Variants in STIL observed in about 807,000 individuals in gnomAD.
STIL encodes SCL-interrupting locus protein.
A neutral mutation model predicts 110.1 loss-of-function variants in STIL; 55 were observed. The ratio of observed to expected loss-of-function variants is 0.50; its 90% CI spans 0.40 to 0.63. The LOEUF (loss-of-function observed/expected upper bound fraction) is 0.63, where lower values mean the gene tolerates loss of function less well. STIL is among the 20% of genes least tolerant of loss of function. The probability of loss-of-function intolerance (pLI) is 0.00; values close to 1 mark genes in which losing one functional copy is unlikely to be tolerated. For synonymous variants in STIL, 481 were observed against 530.0 expected (o/e 0.91, Z 1.27); for missense variants, 1,358 against 1,530.0 (o/e 0.89, Z 1.87).
At chr1:47,307,700 A>C (rs1284921593) in intron 2 of STIL, among the ~76,000 whole-genome samples, 1 of 152,270 alleles carries the variant, frequency 6.6e-6, no homozygotes, top group Non-Finnish European at 1.5e-5. Flanking sequence ...TCAGGGAATA[A>C]GAGAGATAAC....
intron 2 of STIL, among the ~76,000 whole-genome samples, chr1:47,309,715 T>C (rs776997892): frequency 2.6e-5 from 4 of 152,152 alleles, no homozygotes; most frequent in Non-Finnish European, 4.4e-5. Flanking sequence ...CCAGTCCCCA[T>C]AGTAACAGAC....
chr1:47,306,458 T>C (rs1327203846), intron 2 of STIL, among the ~76,000 whole-genome samples: 4 of 152,110 alleles, frequency 2.6e-5, no homozygotes, highest in Admixed American at 2.6e-4. Context: ...CCTGCTATGT[T>C]TCCCAGGCTG....
chr1:47,289,061 C>CAAAAAAAAAAAAAAAAAAAAAAAAA (rs371944423), intron 9 of STIL, among the ~76,000 whole-genome samples: 1 of 83,476 alleles, frequency 1.2e-5, no homozygotes, highest in Non-Finnish European at 2.2e-5. Flanking sequence ...GATTCCATCT[C>CAAAAAAAAAAAAAAAAAAAAAAAAA]AAAAAAAAAA....
intron 12 of STIL, among the ~76,000 whole-genome samples, chr1:47,275,562 C>A (rs559285174): frequency 1.3e-5 from 2 of 151,554 alleles, no homozygotes; most frequent in African/African-American, 4.9e-5. Flanking sequence ...GAGCTGAGAT[C>A]GCGCCACTGC....
At position 47,302,288 on chromosome 1, in the gene STIL, G is replaced by T; in HGVS notation, c.211C>A (p.Gln71Lys). The stretch of plus-strand genomic sequence containing the variant: ...AAGCATGACGAATTTTTTTTATTCT[G>T]CTTAGCATGACGATAAGCAAGTCGG... ...TIRLAYRHAKQNKKNSSCFLL... is the reference protein window; with the variant it reads ...TIRLAYRHAKKNKKNSSCFLL... The change falls in exon 4 of 17, where the codon CAG (glutamine) becomes AAG (lysine). Residue 71 changes from glutamine (Q) to lysine (K), a missense_variant. Transcript: ENST00000371877. The T allele has an allele frequency of 6.2e-7, 1 of 1,613,904 alleles. No homozygotes were observed. Among genetic ancestry groups the T allele is most frequent in the Admixed American group, 1.7e-5 (1 of 59,990 alleles).
At chr1:47,266,571 C>T (rs1171458351) in intron 14 of STIL, among the ~76,000 whole-genome samples, 1 of 152,202 alleles carries the variant, frequency 6.6e-6, no homozygotes, top group Non-Finnish European at 1.5e-5. Flanking sequence ...ACTATTTTGC[C>T]TAGCCTGGTC....
intron 6 of STIL, among the ~76,000 whole-genome samples, chr1:47,296,121 C>A (rs1020657989): frequency 6.6e-6 from 1 of 152,146 alleles, no homozygotes; most frequent in African/African-American, 2.4e-5. Flanking sequence ...TGCTCTATAA[C>A]TTTACTTACA....
In STIL at chr1:47,264,930, T is replaced by TAAA. The variant is rs35230201; in HGVS notation, c.2616-1817_2616-1815dup. 4.8e-3 allele frequency among the ~76,000 whole-genome samples: 621 copies of TAAA among 128,816 alleles called. 12 individuals carry two copies. Among genetic ancestry groups the TAAA allele is most frequent in the African/African-American group, 0.015 (496 of 33,842 alleles). The allele number at this position is 128,816 out of a possible 152,430, so 84.5% of individuals were successfully genotyped here. The stretch of plus-strand genomic sequence containing the variant: ...ATTAACTCAGATCTGTTTCTAAAGT[T>TAAA]AAAAAAAAAAAAAAAAAGCCAAAAC... On this transcript the variant is annotated intron_variant, in intron 14 of 16. Transcript: ENST00000371877.
chr1:47,280,623 A>G lies in STIL; in HGVS notation c.1835T>C (p.Ile612Thr). 5.6e-6 allele frequency: 9 copies of G among 1,614,252 alleles called. No homozygotes were observed. Among genetic ancestry groups the G allele is most frequent in the Non-Finnish European group, 7.6e-6 (9 of 1,180,046 alleles). ...VCRCCQHHSHIQYSPLNSWQG... is the reference protein window; with the variant it reads ...VCRCCQHHSHTQYSPLNSWQG... ...CCAAGAATTTAGCGGACTATATTGAATATGACTATGATGCTGACAACACCT... is the reference window on the plus strand; with the variant it reads ...CCAAGAATTTAGCGGACTATATTGAGTATGACTATGATGCTGACAACACCT... The change falls in exon 12 of 17, where the codon ATT (isoleucine) becomes ACT (threonine). Residue 612 changes from isoleucine (I) to threonine (T), a missense_variant. Transcript: ENST00000371877.
upstream of STIL, among the ~76,000 whole-genome samples, chr1:47,314,399 A>T (rs925061327): frequency 5.3e-5 from 8 of 152,206 alleles, no homozygotes; most frequent in Non-Finnish European, 1.2e-4. Context: ...TCATTTCGTC[A>T]ACGGTTAAGT....
At chr1:47,308,863 G>A (rs957942340) in intron 2 of STIL, among the ~76,000 whole-genome samples, 2 of 152,100 alleles carry the variant, frequency 1.3e-5, no homozygotes, top group African/African-American at 2.4e-5. Flanking sequence ...AGACCAGCCT[G>A]GCCAACATGG....
intron 12 of STIL, among the ~76,000 whole-genome samples, chr1:47,272,580 G>A (rs2148881752): frequency 6.6e-6 from 1 of 151,836 alleles, no homozygotes; most frequent in South Asian, 2.1e-4. Flanking sequence ...TCCTGGGGTG[G>A]CTGGGATGAC....
Position 47,301,650 on chromosome 1 carries a change from AG to A in STIL, c.363del (p.Leu123Ter). 6.2e-7 allele frequency: 1 copy of A among 1,614,112 alleles called. No individual in the cohort carries two copies. On this transcript the variant is annotated frameshift_variant, in exon 5 of 17. Coordinates refer to ENST00000371877, the MANE Select transcript of STIL (RefSeq NM_001048166.1). LOFTEE classifies it high-confidence loss of function. ...EITPTASLPG[D>X]FLIPCKVHTQ... ...GTATGAACTTTGCATGGAATCAAAA[AG>A]TCCCCAGGAAGAGAAGCAGTAGGGG...
intron 6 of STIL, chr1:47,299,639 C>T (rs559183639): frequency 1.6e-4 from 63 of 384,802 alleles, no homozygotes; most frequent in African/African-American, 1.1e-3. Flanking sequence ...GTGATCTGCC[C>T]GCCTAGGCCT....
Position 47,275,481 on chromosome 1 carries a change from G to A in STIL, c.2218-3240C>T, listed in dbSNP as rs192815445. On this transcript the variant is annotated intron_variant, in intron 12 of 16. Transcript: ENST00000371877. ...AAATTAGCCCGGCTTGGTGGCCAAC[G>A]CCTGTAGTCCCAGCTACTCAGGAGG... Among the ~76,000 whole-genome samples, 204 of 151,906 alleles carry A rather than the reference G, an allele frequency of 1.3e-3. No individual in the cohort carries two copies. The Middle Eastern group carries it at 0.02, about 15-fold the overall frequency.
chr1:47,260,845 A>C (rs929948863), intron 15 of STIL, among the ~76,000 whole-genome samples: 7 of 152,220 alleles, frequency 4.6e-5, no homozygotes, highest in African/African-American at 1.7e-4. Context: ...CCTGCGTGAC[A>C]AAGTGAGACT....
rs34842407 is a variant in STIL, at chr1:47,270,227, C to CA, written c.2384-362dup. Reference sequence around the variant, plus strand: ...CATTCCAGCCTGGGCAACTCTGGCTCAAAAAAAAAAAAAAATATATATATA... The same window carrying CA: ...CATTCCAGCCTGGGCAACTCTGGCTCAAAAAAAAAAAAAAAATATATATATA... On this transcript the variant is annotated intron_variant, in intron 13 of 16. Transcript: ENST00000371877. Among the ~76,000 whole-genome samples the CA allele has an allele frequency of 4.4e-3, 387 of 87,162 alleles. 2 individuals are homozygous for CA. The highest frequency in any genetic ancestry group is 0.019 in the African/African-American group (358 of 19,078). 57.2% of individuals were successfully genotyped at this position (87,162 alleles called of 152,430 possible). A position where few individuals can be genotyped will look rare whatever the true frequency, so the allele number is the denominator to read the frequency against.
At chr1:47,258,462 C>T (rs1365772473) in intron 16 of STIL, among the ~76,000 whole-genome samples, 4 of 152,082 alleles carry the variant, frequency 2.6e-5, no homozygotes, top group Admixed American at 2.6e-4. Flanking sequence ...TCAATATATT[C>T]TAGTACAAGG....
chr1:47,308,543 G>T (rs938259134), intron 2 of STIL, among the ~76,000 whole-genome samples: 10 of 151,902 alleles, frequency 6.6e-5, no homozygotes, highest in African/African-American at 2.4e-4. Context: ...TCGCTTATTT[G>T]TGGGATCTAA....
Sources: allele counts gnomAD v4.1 joint callset (sites outside exome capture counted in the v4.1 genomes callset), GRCh38; gene constraint gnomAD v4.1.1; transcripts MANE v1.5; gene names NCBI Gene and HGNC (gene_info 2026-07-23, HGNC 2026-07-21).